Variants in SNX10 observed in about 807,000 individuals in gnomAD.
SNX10 encodes sorting nexin-10.
In SNX10, 25 loss-of-function variants were observed where a neutral mutation model predicts 28.5. That is an observed-to-expected ratio of 0.88 (90% CI 0.64 to 1.22). The LOEUF (loss-of-function observed/expected upper bound fraction) is 1.22. Ranked by LOEUF, SNX10 falls within the 50% of genes most tolerant of loss-of-function variation. SNX10 has a pLI of 0.00. For missense variants in SNX10, 223 were observed against 242.6 expected, an observed-to-expected ratio of 0.92 and a Z score of 0.54; for synonymous variants, 62 against 81.4, an observed-to-expected ratio of 0.76 and a Z score of 1.28.
chr7:26,302,984 G>C (rs188598900), intron 1 of SNX10, among the ~76,000 whole-genome samples: 53 of 152,302 alleles, frequency 3.5e-4, no homozygotes, highest in Admixed American at 2.7e-3. Context: ...ACCTGTTTCT[G>C]ATGGTCTCAG....
chr7:26,335,801 T>C (rs1787910529), intron 1 of SNX10, among the ~76,000 whole-genome samples: 1 of 140,594 alleles, frequency 7.1e-6, no homozygotes, highest in Non-Finnish European at 1.5e-5. Flanking sequence ...GGGAGTGCTG[T>C]GGCGCGATCT....
intron 1 of SNX10, among the ~76,000 whole-genome samples, chr7:26,341,790 T>C (rs1472536645): frequency 2.6e-5 from 4 of 151,986 alleles, no homozygotes; most frequent in Non-Finnish European, 5.9e-5. Context: ...CAGCCCTCTA[T>C]GTGCATTATT....
At chr7:26,302,223 C>T (rs1786398277) in intron 1 of SNX10, among the ~76,000 whole-genome samples, 1 of 152,158 alleles carries the variant, frequency 6.6e-6, no homozygotes, top group African/African-American at 2.4e-5. Flanking sequence ...CTGCAAAGGT[C>T]CCTTTAGCAT....
chr7:26,327,298 C>T (rs1362291271), intron 1 of SNX10, among the ~76,000 whole-genome samples: 2 of 152,254 alleles, frequency 1.3e-5, no homozygotes, highest in East Asian at 3.9e-4. Context: ...AGCATATGTC[C>T]ACTAGCCACC....
At position 26,358,805 on chromosome 7, in the gene SNX10, GT is replaced by G. The variant is rs35527687; in HGVS notation, c.25-2151del. On this transcript the variant is annotated intron_variant, in intron 2 of 6. Transcript: ENST00000338523. ...GAGCATCACTATAGTGTTATCTTGT[GT>G]TTTTTTTTTTTTTTTTTTGACCAAG... Among the ~76,000 whole-genome samples, 161 of 100,102 alleles carry G rather than the reference GT, an allele frequency of 1.6e-3. 6 individuals carry two copies. Among genetic ancestry groups the G allele is most frequent in the African/African-American group, 5.5e-3 (124 of 22,686 alleles). The allele number at this position is 100,102 out of a possible 152,430, so 65.7% of individuals were successfully genotyped here.
chr7:26,327,919 A>C (rs1787568804), intron 1 of SNX10, among the ~76,000 whole-genome samples: 1 of 151,182 alleles, frequency 6.6e-6, no homozygotes, highest in Non-Finnish European at 1.5e-5. Flanking sequence ...TTTTTAGTAG[A>C]GGCAGGGTTT....
At chr7:26,351,946 G>A (rs1250046232) in intron 2 of SNX10, among the ~76,000 whole-genome samples, 1 of 152,036 alleles carries the variant, frequency 6.6e-6, no homozygotes, top group Admixed American at 6.6e-5. Context: ...GTGAGCCACT[G>A]TGCCCGACCA....
intron 2 of SNX10, among the ~76,000 whole-genome samples, chr7:26,350,000 G>A (rs917660922): frequency 2.0e-5 from 3 of 152,174 alleles, no homozygotes; most frequent in African/African-American, 7.2e-5. Flanking sequence ...GGCTCACTTG[G>A]TGTAACTAGA....
Position 26,373,856 on chromosome 7 carries a change from A to G in SNX10, c.*1284A>G, listed in dbSNP as rs1789670808. 1 of 152,082 alleles carries G rather than the reference A, an allele frequency of 6.6e-6. No individual in the cohort carries two copies. Among genetic ancestry groups the G allele is most frequent in the South Asian group, 2.1e-4 (1 of 4,832 alleles). 9.4% of individuals were successfully genotyped at this position (152,082 alleles called of 1,614,324 possible). A position where few individuals can be genotyped will look rare whatever the true frequency, so the allele number is the denominator to read the frequency against. ...GAGTTTAAAAGCTATTGTATTATTA[A>G]AAAGTCTTTACAATGCTTGTTTCAA... On this transcript the variant is annotated 3_prime_UTR_variant, in exon 7 of 7. Transcript: ENST00000338523. This position sits in a 1 kb window ranked among gnomAD's most constrained non-coding sequence, Gnocchi z 4.2.
Position 26,291,935 on chromosome 7 carries a change from C to G in SNX10, c.-175C>G, listed in dbSNP as rs1785933483. On this transcript the variant is annotated 5_prime_UTR_variant, in exon 1 of 7. Transcript: ENST00000338523. Reference sequence around the variant, plus strand: ...GGGGCCGCTACGTGCGCGGGGAGCGCGGGGAGCGCGGGGAGCGCGGGGCTG... The same window carrying G: ...GGGGCCGCTACGTGCGCGGGGAGCGGGGGGAGCGCGGGGAGCGCGGGGCTG... The G allele has an allele frequency of 6.9e-6, 1 of 145,598 alleles. No individual in the cohort carries two copies. The highest frequency in any genetic ancestry group is 2.5e-5 in the African/African-American group (1 of 40,224). The allele number at this position is 145,598 out of a possible 1,614,324, so 9.0% of individuals were successfully genotyped here. A position where few individuals can be genotyped will look rare whatever the true frequency, so the allele number is the denominator to read the frequency against.
chr7:26,371,784 T>C (rs1003370997), intron 5 of SNX10, 37 bp from the exon 6 acceptor site: 11 of 1,444,298 alleles, frequency 7.6e-6, no homozygotes, highest in African/African-American at 2.8e-5. Flanking sequence ...CTGACCATCC[T>C]GTTCACCAAT....
Position 26,324,997 on chromosome 7 carries a change from A to G in SNX10, c.-23-21423A>G, listed in dbSNP as rs149011068. 1.2e-3 allele frequency among the ~76,000 whole-genome samples: 179 copies of G among 152,072 alleles called. 2 individuals carry two copies. The East Asian group carries it at 0.032, about 27-fold the overall frequency. On this transcript the variant is annotated intron_variant, in intron 1 of 6. Coordinates refer to ENST00000338523, the MANE Select transcript of SNX10 (RefSeq NM_013322.3). Reference sequence around the variant, plus strand: ...AAAGTGATAGGGATACCGTGGAGACATTGGTCTCAGAGGATGGGTGGTCTC... The same window carrying G: ...AAAGTGATAGGGATACCGTGGAGACGTTGGTCTCAGAGGATGGGTGGTCTC...
At chr7:26,313,314 A>G (rs948065715) in intron 1 of SNX10, among the ~76,000 whole-genome samples, 4 of 152,350 alleles carry the variant, frequency 2.6e-5, no homozygotes, top group Admixed American at 6.5e-5. Context: ...CATAGGCGCA[A>G]TGTTGTACAG....
chr7:26,367,637 A>G (rs1355156860), intron 5 of SNX10, among the ~76,000 whole-genome samples: 2 of 151,988 alleles, frequency 1.3e-5, no homozygotes, highest in African/African-American at 4.8e-5. Flanking sequence ...GGGTTGTGTA[A>G]GGTAGTACCC....
intron 3 of SNX10, among the ~76,000 whole-genome samples, chr7:26,362,277 T>C (rs995366899): frequency 6.6e-6 from 1 of 152,208 alleles, no homozygotes; most frequent in Non-Finnish European, 1.5e-5. Context: ...AGAATAAGCA[T>C]TTGAAGTAAA....
intron 1 of SNX10, among the ~76,000 whole-genome samples, chr7:26,296,174 T>C (rs1445109285): frequency 2.0e-5 from 3 of 152,140 alleles, no homozygotes; most frequent in African/African-American, 7.2e-5. Flanking sequence ...CCAAATTCCC[T>C]GAAGTCTGAG....
intron 1 of SNX10, among the ~76,000 whole-genome samples, chr7:26,342,730 A>G (rs1158239406): frequency 1.3e-5 from 2 of 152,338 alleles, no homozygotes; most frequent in African/African-American, 2.4e-5. Context: ...GAGGTTGACC[A>G]TGATAGTTCA....
intron 1 of SNX10, among the ~76,000 whole-genome samples, chr7:26,292,455 AATTT>A (rs1490012583): frequency 5.3e-5 from 8 of 152,124 alleles, no homozygotes; most frequent in East Asian, 1.9e-4. Context: ...TGGTTTTTAA[AATTT>A]ATTTATTTAT....
intron 2 of SNX10, among the ~76,000 whole-genome samples, chr7:26,352,330 G>A (rs867089481): frequency 4.5e-4 from 68 of 152,226 alleles, no homozygotes; most frequent in South Asian, 1.5e-3. Flanking sequence ...TGGCCAAGGC[G>A]AGATCACTTG....
Sources: gnomAD v4.1 joint callset for allele counts (sites outside exome capture counted in the v4.1 genomes callset) on GRCh38, gnomAD v4.1.1 for gene constraint, Gnocchi (gnomAD v3.1) non-coding constraint, MANE v1.5 for transcripts, NCBI Gene and HGNC (gene_info 2026-07-23, HGNC 2026-07-21) for gene names.